MPZL1: variants seen among roughly 807,000 people sequenced by gnomAD.
The protein encoded by MPZL1 is myelin protein zero-like protein 1.
In MPZL1, 16 loss-of-function variants were observed where a neutral mutation model predicts 29.3. The observed-to-expected ratio is 0.55, with a 90% CI of 0.37 to 0.83. The LOEUF is 0.83. Ranked by LOEUF, MPZL1 falls within the 40% of genes least tolerant of loss-of-function variation. The pLI, the probability that MPZL1 is intolerant of heterozygous loss-of-function variation, is 0.00. For synonymous variants in MPZL1, 143 were observed against 132.0 expected, an observed-to-expected ratio of 1.08 and a Z score of -0.57; for missense variants, 279 against 332.9, an observed-to-expected ratio of 0.84 and a Z score of 1.26.
At chr1:167,772,136 G>A (rs939227753) in intron 2 of MPZL1, 139 bp from the exon 3 acceptor site, 2 of 710,326 alleles carry the variant, frequency 2.8e-6, no homozygotes, top group Admixed American at 2.7e-5. Flanking sequence ...GGAGAGAGAG[G>A]GGGAGAGGGA....
intron 5 of MPZL1, 75 bp downstream of exon 5, chr1:167,776,241 A>G: frequency 1.9e-6 from 2 of 1,039,574 alleles, no homozygotes; most frequent in Admixed American, 2.1e-5. Context: ...TTGGGTGTGG[A>G]AAAGAATACT....
chr1:167,759,528 A>G (rs1227290298), intron 1 of MPZL1, among the ~76,000 whole-genome samples: 1 of 152,216 alleles, frequency 6.6e-6, no homozygotes, highest in African/African-American at 2.4e-5. Flanking sequence ...ACACAGGAGA[A>G]CACTTCTGAC....
Position 167,729,069 on chromosome 1 carries a change from C to A in MPZL1, c.91+6827C>A, listed in dbSNP as rs138738884. ...TTGCCTGAGCTAAGGAGTACAAGAC[C>A]AGCCTGGACAACATGATAAAACCCC... On this transcript the variant is annotated intron_variant, in intron 1 of 5. Transcript: ENST00000359523. 9.5e-3 allele frequency among the ~76,000 whole-genome samples: 1,449 copies of A among 151,906 alleles called. 16 individuals are homozygous for A. The highest frequency in any genetic ancestry group is 0.016 in the Admixed American group (241 of 15,246).
intron 2 of MPZL1, among the ~76,000 whole-genome samples, chr1:167,768,967 A>G (rs1213722777): frequency 6.6e-6 from 1 of 152,216 alleles, no homozygotes; most frequent in Non-Finnish European, 1.5e-5. Context: ...AGAGAGAGTG[A>G]AGAACTTTGA....
rs942703188 is a variant in MPZL1 at position 167,786,045 on chromosome 1, G to A, written c.709-1775G>A. On this transcript the variant is annotated intron_variant, in intron 5 of 5. Transcript: ENST00000359523. Reference sequence around the variant, plus strand: ...CCTGACCTCATGATCCGCCCGCCTCGGCCTCCCAAAGTGCTGGGATTACAG... The same window carrying A: ...CCTGACCTCATGATCCGCCCGCCTCAGCCTCCCAAAGTGCTGGGATTACAG... 8.5e-5 allele frequency among the ~76,000 whole-genome samples: 13 copies of A among 152,110 alleles called. No homozygotes were observed. The South Asian group carries it at 1.5e-3, about 17-fold the overall frequency.
chr1:167,729,977 A>G (rs890701230), intron 1 of MPZL1, among the ~76,000 whole-genome samples: 3 of 152,202 alleles, frequency 2.0e-5, no homozygotes, highest in Non-Finnish European at 4.4e-5. Flanking sequence ...CATGTTTGCA[A>G]CCACCCTGCT....
intron 1 of MPZL1, among the ~76,000 whole-genome samples, chr1:167,752,591 C>T (rs1660780882): frequency 6.6e-6 from 1 of 152,154 alleles, no homozygotes; most frequent in Non-Finnish European, 1.5e-5. Context: ...CTGATAAAGC[C>T]AGCATCTCAA....
intron 2 of MPZL1, among the ~76,000 whole-genome samples, chr1:167,769,551 T>A (rs1286565104): frequency 1.3e-5 from 2 of 152,202 alleles, no homozygotes; most frequent in Admixed American, 1.3e-4. Flanking sequence ...TAAGGTTCTT[T>A]GTTTCTGAGT....
chr1:167,730,353 A>C (rs994901334), intron 1 of MPZL1, among the ~76,000 whole-genome samples: 10 of 151,608 alleles, frequency 6.6e-5, no homozygotes, highest in African/African-American at 2.4e-4. Flanking sequence ...ATCTCCACTC[A>C]GCGCAGTCTC....
Position 167,739,310 on chromosome 1 carries a change from C to CACATACAT in MPZL1, c.91+17073_91+17074insCATACATA, listed in dbSNP as rs1553254284. 3.8e-3 allele frequency among the ~76,000 whole-genome samples: 384 copies of CACATACAT among 101,278 alleles called. 9 individuals are homozygous for CACATACAT. The highest frequency in any genetic ancestry group is 0.011 in the African/African-American group (223 of 19,904). 66.4% of individuals were successfully genotyped at this position (101,278 alleles called of 152,430 possible). A position where few individuals can be genotyped will look rare whatever the true frequency, so the allele number is the denominator to read the frequency against. On this transcript the variant is annotated intron_variant, in intron 1 of 5. Coordinates refer to ENST00000359523, the MANE Select transcript of MPZL1 (RefSeq NM_003953.6). ...ATATATATATATATATATATATATA[C>CACATACAT]ACATATATATATTTATGTTTATTCT... is the stretch of plus-strand genomic sequence containing the variant.
At chr1:167,763,962 A>G (rs994333952) in intron 1 of MPZL1, among the ~76,000 whole-genome samples, 5 of 152,128 alleles carry the variant, frequency 3.3e-5, no homozygotes, top group African/African-American at 4.8e-5. Flanking sequence ...GTTGGGAGGA[A>G]TGGGGGAGTA....
chr1:167,743,218 T>C (rs1660571255), intron 1 of MPZL1, among the ~76,000 whole-genome samples: 1 of 151,946 alleles, frequency 6.6e-6, no homozygotes, highest in Admixed American at 6.6e-5. Context: ...TTTTCACTTT[T>C]TTTTTTTCTT....
intron 2 of MPZL1, among the ~76,000 whole-genome samples, chr1:167,770,897 G>A (rs964590896): frequency 6.6e-6 from 1 of 152,072 alleles, no homozygotes; most frequent in African/African-American, 2.4e-5. Context: ...TGATATATGA[G>A]TCTGATTCTT....
chr1:167,770,282 C>T (rs547634233), intron 2 of MPZL1, among the ~76,000 whole-genome samples: 72 of 152,324 alleles, frequency 4.7e-4, no homozygotes, highest in Non-Finnish European at 7.2e-4. Flanking sequence ...ACCATCACCC[C>T]GTCCATTAAC....
rs114117364 is a variant in MPZL1 at position 167,763,587 on chromosome 1, T to C, written c.92-1996T>C. Among the ~76,000 whole-genome samples, 251 of 152,124 alleles carry C rather than the reference T, an allele frequency of 1.6e-3. 3 individuals are homozygous for C. Among genetic ancestry groups the C allele is most frequent in the African/African-American group, 5.9e-3 (244 of 41,500 alleles). ...AGAGACTGTGGCTTTCCAGTACTCA[T>C]CACCATGGAGAAAACTAGTCAAAAT... On this transcript the variant is annotated intron_variant, in intron 1 of 5. Transcript: ENST00000359523.
chr1:167,787,982 A>C lies in MPZL1; in HGVS notation c.*61A>C. 7.1e-7 allele frequency: 1 copy of C among 1,401,294 alleles called. No individual in the cohort carries two copies. Among genetic ancestry groups the C allele is most frequent in the South Asian group, 1.2e-5 (1 of 85,232 alleles). The allele number at this position is 1,401,294 out of a possible 1,614,324, so 86.8% of individuals were successfully genotyped here. On this transcript the variant is annotated 3_prime_UTR_variant, in exon 6 of 6. Coordinates refer to ENST00000359523, the MANE Select transcript of MPZL1 (RefSeq NM_003953.6). Reference sequence around the variant, plus strand: ...AACCAAACTGGACTCTCGTGCAGAAAATGTAGCCCATTACCACATGTAGCC... The same window carrying C: ...AACCAAACTGGACTCTCGTGCAGAACATGTAGCCCATTACCACATGTAGCC...
rs41270734 is a variant in MPZL1, at chr1:167,788,371, T to C, written c.*450T>C. On this transcript the variant is annotated 3_prime_UTR_variant, in exon 6 of 6. Transcript: ENST00000359523. ...TAGTTGGAGGATGGAGATGCTATGA[T>C]GGAAGCATACCCAGGGTGGCCTTTA... is the stretch of plus-strand genomic sequence containing the variant. 13,299 of 156,144 alleles carry C rather than the reference T, an allele frequency of 0.085. 710 individuals are homozygous for C. Among genetic ancestry groups the C allele is most frequent in the South Asian group, 0.13 (673 of 5,042 alleles). 9.7% of individuals were successfully genotyped at this position (156,144 alleles called of 1,614,324 possible).
chr1:167,728,121 C>T (rs1660190210), intron 1 of MPZL1, among the ~76,000 whole-genome samples: 1 of 148,384 alleles, frequency 6.7e-6, no homozygotes, highest in Non-Finnish European at 1.5e-5. Flanking sequence ...CTCATTGCAG[C>T]CTCTTCCTCC....
intron 1 of MPZL1, among the ~76,000 whole-genome samples, chr1:167,762,509 A>G (rs965900051): frequency 6.6e-6 from 1 of 152,224 alleles, no homozygotes; most frequent in African/African-American, 2.4e-5. Flanking sequence ...AAACAGCTGC[A>G]TTGATTATAG....
Sources: allele counts gnomAD v4.1 joint callset (sites outside exome capture counted in the v4.1 genomes callset), GRCh38; gene constraint gnomAD v4.1.1; transcripts MANE v1.5; gene names NCBI Gene and HGNC (gene_info 2026-07-23, HGNC 2026-07-21).